The following GABBR2 variants were observed in gnomAD, a reference collection of about 807,000 sequenced individuals.
GABBR2 encodes gamma-aminobutyric acid type B receptor subunit 2.
GABBR2 carries 23 observed loss-of-function variants against 105.6 expected under a neutral mutation model. The ratio of observed to expected loss-of-function variants is 0.22; its 90% confidence interval spans 0.16 to 0.31. The LOEUF is 0.31. Ranked by LOEUF, GABBR2 falls within the 10% of genes least tolerant of loss-of-function variation. The pLI is 1.00. For synonymous variants in GABBR2, 478 were observed against 499.7 expected, an observed-to-expected ratio of 0.96 and a Z score of 0.58; for missense variants, 734 against 1,245.5, an observed-to-expected ratio of 0.59 and a Z score of 6.18.
chr9:98,606,730 T>G (rs1363098377), intron 1 of GABBR2: 2 of 242,514 alleles, frequency 8.2e-6, no homozygotes. Flanking sequence ...TCCGCCCGCC[T>G]CGGCCCCCCA....
chr9:98,574,010 G>T (rs2018973), intron 2 of GABBR2, among the ~76,000 whole-genome samples: 1 of 152,096 alleles, frequency 6.6e-6, no homozygotes, highest in Non-Finnish European at 1.5e-5. Flanking sequence ...GGGAATGGGC[G>T]GCACTGAAGG....
At chr9:98,691,073 A>T (rs1830676439) in intron 1 of GABBR2, among the ~76,000 whole-genome samples, 1 of 152,250 alleles carries the variant, frequency 6.6e-6, no homozygotes, top group East Asian at 1.9e-4. Context: ...ACTTAGAGTA[A>T]GCTTTAAAAT....
At chr9:98,456,460 G>A (rs191683539) in intron 6 of GABBR2, among the ~76,000 whole-genome samples, 12 of 152,164 alleles carry the variant, frequency 7.9e-5, no homozygotes, top group Admixed American at 7.8e-4. Context: ...TCCTCCTTAT[G>A]TGTTTACTTG....
chr9:98,547,634 T>C (rs1828422944), intron 2 of GABBR2, among the ~76,000 whole-genome samples: 1 of 121,660 alleles, frequency 8.2e-6, no homozygotes, highest in African/African-American at 2.6e-5. Flanking sequence ...TATTTTCTGG[T>C]AAAATGGCTG....
At chr9:98,704,759 G>GAAAAAA (rs11434795) in intron 1 of GABBR2, among the ~76,000 whole-genome samples, 1 of 151,650 alleles carries the variant, frequency 6.6e-6, no homozygotes. Context: ...TAATCAAATT[G>GAAAAAA]AAAAAAAATA....
At chr9:98,402,201 G>T (rs777089232) in intron 8 of GABBR2, among the ~76,000 whole-genome samples, 1 of 152,038 alleles carries the variant, frequency 6.6e-6, no homozygotes, top group Non-Finnish European at 1.5e-5. Flanking sequence ...GAGTTGGAGC[G>T]GCAGATGCTG....
intron 1 of GABBR2, among the ~76,000 whole-genome samples, chr9:98,648,753 C>T (rs1027156842): frequency 4.6e-5 from 7 of 152,174 alleles, no homozygotes; most frequent in East Asian, 3.8e-4. Flanking sequence ...ATGAACCTTT[C>T]GAGAATGGGG....
At chr9:98,399,122 G>A (rs373138079) in intron 8 of GABBR2, among the ~76,000 whole-genome samples, 1 of 152,052 alleles carries the variant, frequency 6.6e-6, no homozygotes, top group Non-Finnish European at 1.5e-5. Flanking sequence ...TTGGGAGGCC[G>A]AGGTGGGCAG....
intron 10 of GABBR2, among the ~76,000 whole-genome samples, chr9:98,387,213 A>G (rs1209085297): frequency 6.6e-6 from 1 of 152,194 alleles, no homozygotes; most frequent in Non-Finnish European, 1.5e-5. Context: ...AGATTTTTAA[A>G]TAGCCAAGCC....
chr9:98,321,929 G>A (rs569103843), intron 13 of GABBR2, among the ~76,000 whole-genome samples: 34 of 152,054 alleles, frequency 2.2e-4, no homozygotes, highest in African/African-American at 8.0e-4. Flanking sequence ...CCTGAAACTC[G>A]TCCTTCCCTG....
intron 3 of GABBR2, among the ~76,000 whole-genome samples, chr9:98,509,585 G>A (rs1317236036): frequency 1.3e-5 from 2 of 152,206 alleles, no homozygotes; most frequent in South Asian, 4.1e-4. Flanking sequence ...AGGACCTGAT[G>A]GAGCTGAAAA....
intron 2 of GABBR2, chr9:98,555,629 T>A (rs1006295637): frequency 1.3e-5 from 2 of 152,226 alleles, no homozygotes; most frequent in African/African-American, 4.8e-5. Flanking sequence ...ATCACAGCTG[T>A]GAAGCCAACC....
intron 3 of GABBR2, among the ~76,000 whole-genome samples, chr9:98,503,763 C>T (rs1490740536): frequency 6.6e-6 from 1 of 152,104 alleles, no homozygotes; most frequent in African/African-American, 2.4e-5. Context: ...CAGGGTCTTT[C>T]AGGAGGTTGT....
chr9:98,326,655 A>G (rs1259166631), intron 13 of GABBR2, among the ~76,000 whole-genome samples: 1 of 152,228 alleles, frequency 6.6e-6, no homozygotes, highest in East Asian at 1.9e-4. Flanking sequence ...GCTGCCCTGG[A>G]GAACCACCTG....
At chr9:98,440,136 G>T (rs1450447462) in intron 7 of GABBR2, among the ~76,000 whole-genome samples, 1 of 152,186 alleles carries the variant, frequency 6.6e-6, no homozygotes, top group Non-Finnish European at 1.5e-5. Context: ...CCCAGCCTCT[G>T]CTCCATCACA....
chr9:98,577,124 A>T (rs1241112576), intron 2 of GABBR2, among the ~76,000 whole-genome samples: 1 of 151,658 alleles, frequency 6.6e-6, no homozygotes, highest in Non-Finnish European at 1.5e-5. Flanking sequence ...GGATGGGTGG[A>T]TGCATGGATG....
rs1588203531 is a variant in GABBR2 at position 98,510,209 on chromosome 9, C to T, written c.631-13695G>A. ...AAGAAGAAATAAAATCCTTTCCAGA[C>T]AAGCAAATGCTGAGAGATTTTGTCA... is the stretch of plus-strand genomic sequence containing the variant. On this transcript the variant is annotated intron_variant, in intron 3 of 18. Transcript: ENST00000259455. 2.0e-5 allele frequency among the ~76,000 whole-genome samples: 3 copies of T among 152,164 alleles called. No individual in the cohort carries two copies. In the East Asian group the frequency reaches 5.8e-4, roughly 29 times the overall value.
At chr9:98,518,226 T>C (rs2779570) in intron 3 of GABBR2, among the ~76,000 whole-genome samples, 6,997 of 152,302 alleles carry the variant, frequency 0.046, 245 homozygotes, top group South Asian at 0.12. Flanking sequence ...GTAGCCCTGG[T>C]TGGTTCCATT....
At chr9:98,452,796 T>C (rs925141113) in intron 7 of GABBR2, among the ~76,000 whole-genome samples, 1 of 152,238 alleles carries the variant, frequency 6.6e-6, no homozygotes, top group African/African-American at 2.4e-5. Context: ...GCAAGTAGCT[T>C]GCTTAATAAA....
Sources: gnomAD v4.1 joint callset for allele counts (sites outside exome capture counted in the v4.1 genomes callset) on GRCh38, gnomAD v4.1.1 for gene constraint, MANE v1.5 for transcripts, NCBI Gene and HGNC (gene_info 2026-07-23, HGNC 2026-07-21) for gene names.